The following FBXL17 variants were observed in gnomAD, a reference collection of about 807,000 sequenced individuals.
FBXL17 encodes F-box and leucine rich repeat protein 17.
In FBXL17, 22 loss-of-function variants were observed where a neutral mutation model predicts 66.2. The ratio of observed to expected loss-of-function variants is 0.33; its 90% CI spans 0.24 to 0.47. FBXL17 has a LOEUF of 0.47. Ranked by LOEUF, FBXL17 falls within the 20% of genes least tolerant of loss-of-function variation. FBXL17 has a pLI of 1.00. For synonymous variants in FBXL17, 474 were observed against 400.5 expected, an observed-to-expected ratio of 1.18 and a Z score of -2.19; for missense variants, 878 against 948.2, an observed-to-expected ratio of 0.93 and a Z score of 0.97.
At chr5:108,091,130 C>T (rs2149930031) in intron 6 of FBXL17, among the ~76,000 whole-genome samples, 1 of 152,286 alleles carries the variant, frequency 6.6e-6, no homozygotes, top group South Asian at 2.1e-4. Flanking sequence ...TTACAACATA[C>T]AACCACTTAT....
At chr5:108,028,524 A>C (rs553332707) in intron 6 of FBXL17, among the ~76,000 whole-genome samples, 9 of 152,268 alleles carry the variant, frequency 5.9e-5, no homozygotes, top group East Asian at 1.9e-4. Context: ...TTCATGAAAG[A>C]GTTAAGCACT....
intron 8 of FBXL17, chr5:107,879,742 T>C: frequency 1.0e-6 from 1 of 985,456 alleles, no homozygotes. Flanking sequence ...TTGTTCCTAA[T>C]CACCATTTAC....
intron 7 of FBXL17, among the ~76,000 whole-genome samples, chr5:107,993,967 G>A (rs1753368350): frequency 6.6e-6 from 1 of 151,754 alleles, no homozygotes; most frequent in South Asian, 2.1e-4. Flanking sequence ...TCAGGGCTGT[G>A]GTATAGAAGT....
At chr5:108,019,108 A>C (rs1255825900) in intron 7 of FBXL17, among the ~76,000 whole-genome samples, 2 of 152,170 alleles carry the variant, frequency 1.3e-5, no homozygotes, top group African/African-American at 4.8e-5. Flanking sequence ...CTCCTGTAGA[A>C]AAACAACACT....
chr5:108,337,483 A>G (rs1760443088), intron 4 of FBXL17, among the ~76,000 whole-genome samples: 2 of 152,166 alleles, frequency 1.3e-5, no homozygotes, highest in South Asian at 2.1e-4. Context: ...AAGGAGTTAC[A>G]CTGGGAGACA....
intron 7 of FBXL17, among the ~76,000 whole-genome samples, chr5:107,985,529 G>A (rs1260848052): frequency 1.3e-5 from 2 of 152,106 alleles, no homozygotes; most frequent in African/African-American, 4.8e-5. Flanking sequence ...TTTTCAGATT[G>A]CCCTAAGTGG....
At chr5:108,072,291 C>A (rs1293172328) in intron 6 of FBXL17, among the ~76,000 whole-genome samples, 1 of 152,180 alleles carries the variant, frequency 6.6e-6, no homozygotes. Flanking sequence ...CAAAAAGCTC[C>A]TTATTAACAT....
In FBXL17 at chr5:107,924,272, T is replaced by C. The variant is rs115878857; in HGVS notation, c.1823-43093A>G. On this transcript the variant is annotated intron_variant, in intron 7 of 8. Coordinates refer to ENST00000542267, the MANE Select transcript of FBXL17 (RefSeq NM_001163315.3). The stretch of plus-strand genomic sequence containing the variant: ...ATACCAAAAATATGAAGGAAGTACA[T>C]AAAAGATCACTTTATTTGTCTGCAT... Among the ~76,000 whole-genome samples, 1,252 of 152,124 alleles carry C rather than the reference T, an allele frequency of 8.2e-3. 14 individuals are homozygous for C. Among genetic ancestry groups the C allele is most frequent in the African/African-American group, 0.028 (1,164 of 41,492 alleles).
chr5:108,228,263 T>C (rs1755183308), intron 4 of FBXL17, among the ~76,000 whole-genome samples: 1 of 152,104 alleles, frequency 6.6e-6, no homozygotes. Context: ...AAGATTTGGG[T>C]GGCATCCAGC....
intron 6 of FBXL17, among the ~76,000 whole-genome samples, chr5:108,185,433 T>C (rs286767): frequency 0.53 from 81,247 of 152,056 alleles, 21,963 homozygotes; most frequent in East Asian, 0.76. Context: ...GTAAGAGGTA[T>C]CTGCTTTTTG....
At chr5:108,324,346 T>C (rs919233346) in intron 4 of FBXL17, among the ~76,000 whole-genome samples, 4 of 151,988 alleles carry the variant, frequency 2.6e-5, no homozygotes, top group Non-Finnish European at 5.9e-5. Flanking sequence ...CATGAATCAT[T>C]AGGGAGATGC....
intron 7 of FBXL17, among the ~76,000 whole-genome samples, chr5:107,922,486 G>C (rs1048728368): frequency 3.9e-5 from 6 of 151,988 alleles, no homozygotes; most frequent in African/African-American, 1.4e-4. Flanking sequence ...AACATAATAG[G>C]TTAAAAAACC....
intron 7 of FBXL17, among the ~76,000 whole-genome samples, chr5:107,917,995 C>G (rs1307222074): frequency 6.6e-6 from 1 of 152,298 alleles, no homozygotes; most frequent in African/African-American, 2.4e-5. Flanking sequence ...AGAATCAGGA[C>G]AGAATCATTG....
At chr5:107,981,946 C>G (rs1752847197) in intron 7 of FBXL17, among the ~76,000 whole-genome samples, 1 of 152,104 alleles carries the variant, frequency 6.6e-6, no homozygotes, top group Admixed American at 6.5e-5. Context: ...GAAAAATGTA[C>G]AAAGAGGTCT....
intron 6 of FBXL17, among the ~76,000 whole-genome samples, chr5:108,051,590 G>A (rs535773135): frequency 2.0e-5 from 3 of 152,210 alleles, no homozygotes; most frequent in African/African-American, 7.2e-5. Context: ...TGAAACATAT[G>A]TCAAAATAAT....
intron 1 of FBXL17, among the ~76,000 whole-genome samples, chr5:108,379,037 T>C (rs939231473): frequency 2.6e-5 from 4 of 152,236 alleles, no homozygotes; most frequent in African/African-American, 9.6e-5. Context: ...GTAATTCCCA[T>C]ATGTCCTTTA....
chr5:108,048,550 A>T (rs909673670), intron 6 of FBXL17, among the ~76,000 whole-genome samples: 3 of 152,210 alleles, frequency 2.0e-5, no homozygotes, highest in African/African-American at 7.2e-5. Flanking sequence ...AAAGGAGCTA[A>T]GAACCTTGAT....
At chr5:107,929,728 G>C (rs1750665388) in intron 7 of FBXL17, among the ~76,000 whole-genome samples, 1 of 151,654 alleles carries the variant, frequency 6.6e-6, no homozygotes, top group South Asian at 2.1e-4. Context: ...AGGAATCAAA[G>C]ACAGAAAGCC....
chr5:108,352,024 C>T (rs759954737), intron 3 of FBXL17, among the ~76,000 whole-genome samples: 31 of 152,208 alleles, frequency 2.0e-4, no homozygotes, highest in Non-Finnish European at 3.4e-4. Context: ...ATACAGGCCA[C>T]GTGGATAACC....
Sources: gnomAD v4.1 joint callset for allele counts (sites outside exome capture counted in the v4.1 genomes callset) on GRCh38, gnomAD v4.1.1 for gene constraint, MANE v1.5 for transcripts, NCBI Gene and HGNC (gene_info 2026-07-23, HGNC 2026-07-21) for gene names.